Variants in POU6F2 observed in about 807,000 individuals in gnomAD.
The protein encoded by POU6F2 is POU class 6 homeobox 2.
POU6F2 carries 31 observed loss-of-function variants against 71.3 expected under a neutral mutation model. The ratio of observed to expected loss-of-function variants is 0.43; its 90% CI spans 0.33 to 0.59. The LOEUF (loss-of-function observed/expected upper bound fraction) is 0.59, where lower values mean the gene tolerates loss of function less well. Among genes scored for constraint, POU6F2 ranks in the 20% least tolerant of loss-of-function variants. POU6F2 has a pLI of 0.04. For missense variants in POU6F2, 783 were observed against 856.8 expected, an observed-to-expected ratio of 0.91 and a Z score of 1.07; for synonymous variants, 347 against 355.7, an observed-to-expected ratio of 0.98 and a Z score of 0.27.
intron 2 of POU6F2, among the ~76,000 whole-genome samples, chr7:39,144,793 G>A (rs547838167): frequency 6.6e-6 from 1 of 152,264 alleles, no homozygotes; most frequent in South Asian, 2.1e-4. Flanking sequence ...CTTTAGAATT[G>A]TCCAAGGGTA....
intron 2 of POU6F2, among the ~76,000 whole-genome samples, chr7:39,101,791 C>G (rs1186492715): frequency 6.6e-6 from 1 of 152,020 alleles, no homozygotes; most frequent in African/African-American, 2.4e-5. Flanking sequence ...TTTAATCATT[C>G]CACAATGTAT....
At chr7:39,250,310 T>G (rs746373887) in intron 4 of POU6F2, among the ~76,000 whole-genome samples, 2 of 152,190 alleles carry the variant, frequency 1.3e-5, no homozygotes, top group Non-Finnish European at 2.9e-5. Context: ...TTTGGTTTTC[T>G]CCAGGTTGTT....
At chr7:39,095,483 G>A (rs976940820) in intron 2 of POU6F2, among the ~76,000 whole-genome samples, 3 of 152,164 alleles carry the variant, frequency 2.0e-5, no homozygotes, top group African/African-American at 4.8e-5. Context: ...TGATGGCATC[G>A]AGGTGGTTGC....
chr7:39,277,874 T>C (rs1437617539), intron 4 of POU6F2, among the ~76,000 whole-genome samples: 1 of 151,914 alleles, frequency 6.6e-6, no homozygotes, highest in African/African-American at 2.4e-5. Context: ...CTGGGCAACA[T>C]GGTGAAACCC....
intron 5 of POU6F2, among the ~76,000 whole-genome samples, chr7:39,372,375 CAGT>C (rs1786631943): frequency 6.6e-6 from 1 of 152,150 alleles, no homozygotes; most frequent in Admixed American, 6.5e-5. Flanking sequence ...ATGTATTAGT[CAGT>C]GTTCTCCAGA....
At chr7:39,356,291 C>T (rs188387543) in intron 5 of POU6F2, among the ~76,000 whole-genome samples, 1 of 152,280 alleles carries the variant, frequency 6.6e-6, no homozygotes, top group African/African-American at 2.4e-5. Flanking sequence ...CCTGGCCTCC[C>T]ACCATGCCCA....
chr7:39,290,761 C>G (rs1784739517), intron 4 of POU6F2, among the ~76,000 whole-genome samples: 1 of 152,110 alleles, frequency 6.6e-6, no homozygotes, highest in Non-Finnish European at 1.5e-5. Context: ...TACCTGTCCT[C>G]CTTCAGGGAC....
At chr7:39,203,246 C>G (rs1475358825) in intron 2 of POU6F2, among the ~76,000 whole-genome samples, 1 of 152,072 alleles carries the variant, frequency 6.6e-6, no homozygotes, top group South Asian at 2.1e-4. Flanking sequence ...TCTGGGTTGT[C>G]CATGGCATGC....
chr7:39,228,119 C>T (rs1356613615), intron 4 of POU6F2, among the ~76,000 whole-genome samples: 1 of 152,100 alleles, frequency 6.6e-6, no homozygotes, highest in Non-Finnish European at 1.5e-5. Flanking sequence ...GTGTCTTTGA[C>T]CTAAATACAC....
At chr7:39,128,200 C>T (rs1330343542) in intron 2 of POU6F2, among the ~76,000 whole-genome samples, 1 of 152,094 alleles carries the variant, frequency 6.6e-6, no homozygotes, top group African/African-American at 2.4e-5. Context: ...GGAGAAGAAG[C>T]AGCTTAGAAA....
At chr7:39,430,441 T>C (rs776880805) in intron 6 of POU6F2, among the ~76,000 whole-genome samples, 12 of 152,194 alleles carry the variant, frequency 7.9e-5, no homozygotes, top group Non-Finnish European at 1.6e-4. Context: ...TGCTCAGGCC[T>C]AGAAAAGAAG....
intron 4 of POU6F2, among the ~76,000 whole-genome samples, chr7:39,254,773 A>T (rs1027453777): frequency 1.3e-5 from 2 of 152,134 alleles, no homozygotes; most frequent in Non-Finnish European, 2.9e-5. Flanking sequence ...TTTTAGAGAG[A>T]AATATGATCT....
At chr7:39,450,098 T>C (rs1338335158) in intron 7 of POU6F2, among the ~76,000 whole-genome samples, 1 of 152,230 alleles carries the variant, frequency 6.6e-6, no homozygotes, top group African/African-American at 2.4e-5. Context: ...TATTTTATTA[T>C]GTGTAAATTA....
chr7:39,205,489 T>A (rs10252450), intron 3 of POU6F2, among the ~76,000 whole-genome samples: 1,705 of 152,114 alleles, frequency 0.011, 38 homozygotes, highest in African/African-American at 0.039. Context: ...ATCCTATTTT[T>A]AAAATGCTGC....
intron 2 of POU6F2, among the ~76,000 whole-genome samples, chr7:39,157,799 T>C (rs1245535970): frequency 6.6e-6 from 1 of 152,242 alleles, no homozygotes; most frequent in African/African-American, 2.4e-5. Context: ...AGGCAACGAA[T>C]TGTTGGAGGT....
intron 2 of POU6F2, among the ~76,000 whole-genome samples, chr7:39,158,187 T>A (rs1792914082): frequency 6.6e-6 from 1 of 152,224 alleles, no homozygotes; most frequent in African/African-American, 2.4e-5. Flanking sequence ...AAACATAGTA[T>A]GTTGCTCATA....
chr7:39,372,298 T>C (rs1786630319), intron 5 of POU6F2, among the ~76,000 whole-genome samples: 1 of 152,216 alleles, frequency 6.6e-6, no homozygotes, highest in Non-Finnish European at 1.5e-5. Context: ...CTCATAATAA[T>C]AGGAATTGAG....
At chr7:39,298,330 C>T (rs964573099) in intron 4 of POU6F2, among the ~76,000 whole-genome samples, 4 of 152,116 alleles carry the variant, frequency 2.6e-5, no homozygotes, top group African/African-American at 9.7e-5. Context: ...AAAATATCAA[C>T]CCCATCAAAA....
intron 8 of POU6F2, among the ~76,000 whole-genome samples, chr7:39,453,839 A>G (rs1037813226): frequency 4.6e-5 from 7 of 152,178 alleles, no homozygotes; most frequent in Non-Finnish European, 8.8e-5. Context: ...TACCACATGC[A>G]ATTGAAGCCG....
Sources: allele counts gnomAD v4.1 joint callset (sites outside exome capture counted in the v4.1 genomes callset), GRCh38; gene constraint gnomAD v4.1.1; transcripts MANE v1.5; gene names NCBI Gene and HGNC (gene_info 2026-07-23, HGNC 2026-07-21).